The following RAD51B variants were observed in gnomAD, a reference collection of about 807,000 sequenced individuals.
The protein encoded by RAD51B is RAD51 paralog B, also known as DNA repair protein RAD51 homolog 2.
RAD51B carries 38 observed loss-of-function variants against 42.2 expected under a neutral mutation model. The observed-to-expected ratio is 0.90, with a 90% CI of 0.70 to 1.18. RAD51B has a LOEUF of 1.18. Ranked by LOEUF, RAD51B falls within the 50% of genes most tolerant of loss-of-function variation. The pLI, the probability that RAD51B is intolerant of heterozygous loss-of-function variation, is 0.00. For missense variants in RAD51B, 373 were observed against 400.7 expected, an observed-to-expected ratio of 0.93 and a Z score of 0.59; for synonymous variants, 154 against 145.2, an observed-to-expected ratio of 1.06 and a Z score of -0.43.
At chr14:68,240,167 G>GT (rs1002367904) in intron 7 of RAD51B, among the ~76,000 whole-genome samples, 9 of 151,994 alleles carry the variant, frequency 5.9e-5, no homozygotes, top group African/African-American at 1.7e-4. Flanking sequence ...TGGATCTCTA[G>GT]TTTTTTTTCA....
chr14:68,375,091 G>C (rs2083339755), intron 8 of RAD51B, among the ~76,000 whole-genome samples: 1 of 151,940 alleles, frequency 6.6e-6, no homozygotes, highest in Non-Finnish European at 1.5e-5. Flanking sequence ...AGTGCAGATG[G>C]AACTGCTTCA....
intron 10 of RAD51B, among the ~76,000 whole-genome samples, chr14:68,526,477 C>T (rs763250707): frequency 3.3e-5 from 5 of 152,182 alleles, no homozygotes; most frequent in African/African-American, 7.2e-5. Flanking sequence ...GATGAATTAC[C>T]GTTGCACACA....
At chr14:67,937,699 G>C (rs2045007930) in intron 7 of RAD51B, among the ~76,000 whole-genome samples, 1 of 152,126 alleles carries the variant, frequency 6.6e-6, no homozygotes, top group Non-Finnish European at 1.5e-5. Flanking sequence ...CGCTGGGATG[G>C]TTGTGGCCAC....
intron 7 of RAD51B, among the ~76,000 whole-genome samples, chr14:68,004,667 T>G (rs1233181637): frequency 6.6e-6 from 1 of 152,152 alleles, no homozygotes. Context: ...CAATGAATTT[T>G]CACAAACTGA....
rs186204414 is a variant in RAD51B, at chr14:68,147,631, C to A, written c.757-144253C>A. ...CCCAATTGTATCCCCTTCAAGTGCC[C>A]ACTTCATTGGCTTATATACATTAGG... On this transcript the variant is annotated intron_variant, in intron 7 of 10. Transcript: ENST00000471583. Among the ~76,000 whole-genome samples the A allele has an allele frequency of 7.2e-5, 11 of 152,186 alleles. No homozygotes were observed. In the East Asian group the frequency reaches 2.1e-3, roughly 29 times the overall value.
chr14:68,227,732 A>G (rs1278088682), intron 7 of RAD51B, among the ~76,000 whole-genome samples: 1 of 152,134 alleles, frequency 6.6e-6, no homozygotes, highest in Non-Finnish European at 1.5e-5. Context: ...ACAGACACTT[A>G]CATATTCAGA....
intron 10 of RAD51B, among the ~76,000 whole-genome samples, chr14:68,520,461 C>G (rs1372557809): frequency 3.3e-5 from 5 of 152,202 alleles, no homozygotes; most frequent in African/African-American, 1.2e-4. Flanking sequence ...AAGCTTGTAG[C>G]TGTTTGCTAA....
At chr14:68,177,393 G>A (rs1325694512) in intron 7 of RAD51B, among the ~76,000 whole-genome samples, 1 of 152,140 alleles carries the variant, frequency 6.6e-6, no homozygotes, top group East Asian at 1.9e-4. Context: ...AATGATCTTT[G>A]TTGCTGGCCA....
intron 7 of RAD51B, among the ~76,000 whole-genome samples, chr14:68,258,164 G>C (rs1459603552): frequency 6.6e-6 from 1 of 152,130 alleles, no homozygotes; most frequent in African/African-American, 2.4e-5. Context: ...CACTTTGGGA[G>C]GCCAAGGTGG....
At chr14:67,936,869 G>T (rs1348515889) in intron 7 of RAD51B, among the ~76,000 whole-genome samples, 1 of 152,106 alleles carries the variant, frequency 6.6e-6, no homozygotes, top group African/African-American at 2.4e-5. Flanking sequence ...TTGACCATTT[G>T]TATATCTCTT....
At chr14:68,667,642 G>A (rs1004431669) in intron 11 of RAD51B, among the ~76,000 whole-genome samples, 3 of 152,208 alleles carry the variant, frequency 2.0e-5, no homozygotes, top group Non-Finnish European at 4.4e-5. Flanking sequence ...GGTAGACACT[G>A]CAAATAATGA....
At chr14:68,620,820 G>C (rs1195093802) in intron 10 of RAD51B, among the ~76,000 whole-genome samples, 1 of 152,256 alleles carries the variant, frequency 6.6e-6, no homozygotes, top group African/African-American at 2.4e-5. Flanking sequence ...GGAAAAAGCA[G>C]ACACAATGCC....
intron 7 of RAD51B, among the ~76,000 whole-genome samples, chr14:67,933,370 A>G (rs2044811446): frequency 6.6e-6 from 1 of 152,176 alleles, no homozygotes. Context: ...TTTCCAGGTC[A>G]GGATGCAGTC....
At chr14:67,846,841 A>G (rs990544350) in intron 4 of RAD51B, among the ~76,000 whole-genome samples, 1 of 152,112 alleles carries the variant, frequency 6.6e-6, no homozygotes, top group African/African-American at 2.4e-5. Flanking sequence ...TGGGAGATGG[A>G]CAACCCTGGT....
intron 7 of RAD51B, among the ~76,000 whole-genome samples, chr14:68,139,286 G>A (rs993448624): frequency 6.8e-6 from 1 of 148,032 alleles, no homozygotes; most frequent in African/African-American, 2.5e-5. Context: ...TTTTTGGCTT[G>A]TATAGATGAG....
chr14:68,550,185 G>C (rs1164256409), intron 10 of RAD51B, among the ~76,000 whole-genome samples: 1 of 152,146 alleles, frequency 6.6e-6, no homozygotes, highest in Non-Finnish European at 1.5e-5. Flanking sequence ...CCACACACTT[G>C]GATTTGTTTA....
chr14:67,922,082 T>C (rs1257246692), intron 7 of RAD51B, among the ~76,000 whole-genome samples: 1 of 152,258 alleles, frequency 6.6e-6, no homozygotes, highest in East Asian at 1.9e-4. Context: ...GTTGCCAGTG[T>C]GTCCTTCTTG....
chr14:68,314,613 G>A (rs2082021298), intron 8 of RAD51B, among the ~76,000 whole-genome samples: 1 of 152,104 alleles, frequency 6.6e-6, no homozygotes, highest in African/African-American at 2.4e-5. Flanking sequence ...CCAAAACCAT[G>A]GTGCCACTTC....
At chr14:68,557,282 A>G (rs2679) in intron 10 of RAD51B, among the ~76,000 whole-genome samples, 68,606 of 151,994 alleles carry the variant, frequency 0.45, 16,084 homozygotes, top group East Asian at 0.71. Context: ...AAACCTCTGT[A>G]GCTTAGCCTC....
Sources: gnomAD v4.1 joint callset for allele counts (sites outside exome capture counted in the v4.1 genomes callset) on GRCh38, gnomAD v4.1.1 for gene constraint, MANE v1.5 for transcripts, NCBI Gene and HGNC (gene_info 2026-07-23, HGNC 2026-07-21) for gene names.